Variants in MTCL1 observed in about 807,000 individuals in gnomAD.
The protein encoded by MTCL1 is microtubule cross-linking factor 1.
A neutral mutation model predicts 141.4 loss-of-function variants in MTCL1; 79 were observed. The ratio of observed to expected loss-of-function variants is 0.56; its 90% confidence interval spans 0.47 to 0.67. MTCL1 has a LOEUF of 0.67. MTCL1 is among the 30% of genes least tolerant of loss of function. The pLI, the probability that MTCL1 is intolerant of heterozygous loss-of-function variation, is 0.00. For synonymous variants in MTCL1, 914 were observed against 875.8 expected (o/e 1.04, Z -0.77); for missense variants, 2,177 against 2,113.9 (o/e 1.03, Z -0.59).
chr18:8,828,871 C>T lies in MTCL1; in HGVS notation c.4723-37C>T, dbSNP rs2077106845. 6.2e-7 allele frequency: 1 copy of T among 1,613,678 alleles called. No homozygotes were observed. Among genetic ancestry groups the T allele is most frequent in the East Asian group, 2.2e-5 (1 of 44,882 alleles). On this transcript the variant is annotated intron_variant, in intron 15 of 16. Coordinates refer to ENST00000359865, the Ensembl canonical transcript of MTCL1. The surrounding 1 kb of genome is among the most constrained non-coding windows in gnomAD (Gnocchi z 5.2). ...TGTTTAAAAAACACTTTCCAACCTT[C>T]TTGCTTTTCTTTTCTTTCTCTGTCT...
intron 7 of MTCL1, among the ~76,000 whole-genome samples, chr18:8,790,752 C>T (rs1191838998): frequency 1.3e-5 from 2 of 152,198 alleles, no homozygotes; most frequent in Non-Finnish European, 2.9e-5. Context: ...CGGTGGCTCA[C>T]GCCTGTAATC....
At chr18:8,742,437 A>C (rs1281029185) in intron 4 of MTCL1, among the ~76,000 whole-genome samples, 28 of 152,208 alleles carry the variant, frequency 1.8e-4, no homozygotes, top group Admixed American at 1.8e-3. Context: ...GGAAACTTAC[A>C]ATCATGGCAG....
At chr18:8,783,191 G>A (rs1005428380) in intron 5 of MTCL1, among the ~76,000 whole-genome samples, 7 of 152,150 alleles carry the variant, frequency 4.6e-5, no homozygotes, top group East Asian at 1.9e-4. Context: ...GCGCATTCCC[G>A]CTGGGTTTTG....
intron 8 of MTCL1, among the ~76,000 whole-genome samples, chr18:8,795,848 C>T (rs1377949751): frequency 1.3e-5 from 2 of 152,118 alleles, no homozygotes; most frequent in African/African-American, 4.8e-5. Flanking sequence ...CTGTAATGTG[C>T]GTTTGAGTGC....
At chr18:8,799,635 C>G (rs1294829901) in intron 10 of MTCL1, among the ~76,000 whole-genome samples, 1 of 152,210 alleles carries the variant, frequency 6.6e-6, no homozygotes, top group African/African-American at 2.4e-5. Flanking sequence ...CATTCAATCC[C>G]ATAAAGCATC....
chr18:8,720,222 CT>C (rs2096160280), intron 3 of MTCL1, 115 bp from the exon 3 acceptor site: 1 of 934,664 alleles, frequency 1.1e-6, no homozygotes, highest in South Asian at 1.7e-5. Context: ...TTGCCAGGGT[CT>C]TTGCTATGTG....
Position 8,830,491 on chromosome 18 carries a change from A to G in MTCL1, c.*19-1116A>G. ...GCCGTGTTCCATCTTCTCCCGAGTG[A>G]CACTGCCCATTCCGTGCAGCCGTCT... is the stretch of plus-strand genomic sequence containing the variant. On this transcript the variant is annotated intron_variant, in intron 16 of 16. Coordinates refer to ENST00000359865, the Ensembl canonical transcript of MTCL1. The surrounding 1 kb of genome is among the most constrained non-coding windows in gnomAD (Gnocchi z 6.4). The G allele has an allele frequency of 1.0e-6, 1 of 985,888 alleles. No homozygotes were observed. The highest frequency in any genetic ancestry group is 1.2e-6 in the Non-Finnish European group (1 of 830,316). 61.1% of individuals were successfully genotyped at this position (985,888 alleles called of 1,614,324 possible). A position where few individuals can be genotyped will look rare whatever the true frequency, so the allele number is the denominator to read the frequency against.
At chr18:8,793,685 A>G (rs1463689664) in intron 8 of MTCL1, among the ~76,000 whole-genome samples, 1 of 152,208 alleles carries the variant, frequency 6.6e-6, no homozygotes, top group Admixed American at 6.5e-5. Flanking sequence ...AGAACAGCCC[A>G]ATCCCGGCCA....
intron 4 of MTCL1, among the ~76,000 whole-genome samples, chr18:8,730,447 T>G (rs2148863070): frequency 6.6e-6 from 1 of 152,326 alleles, no homozygotes; most frequent in East Asian, 1.9e-4. Flanking sequence ...GAATTTCTGA[T>G]TCTTTATATC....
intron 4 of MTCL1, among the ~76,000 whole-genome samples, chr18:8,751,652 C>T (rs1433777721): frequency 6.6e-6 from 1 of 152,174 alleles, no homozygotes; most frequent in Non-Finnish European, 1.5e-5. Context: ...TGGTCTGAGT[C>T]ACCTGGTCCA....
intron 7 of MTCL1, 34 bp downstream of exon 6, chr18:8,786,125 C>A: frequency 7.3e-7 from 1 of 1,372,802 alleles, no homozygotes; most frequent in South Asian, 1.3e-5. Flanking sequence ...CCCCCCCGCC[C>A]TCCCCCTCCT....
chr18:8,748,590 A>G (rs2096353919), intron 4 of MTCL1, among the ~76,000 whole-genome samples: 1 of 152,158 alleles, frequency 6.6e-6, no homozygotes, highest in African/African-American at 2.4e-5. Context: ...GCACACACAC[A>G]CACATATACA....
intron 4 of MTCL1, among the ~76,000 whole-genome samples, chr18:8,723,808 C>T (rs1046964933): frequency 2.0e-5 from 3 of 152,148 alleles, no homozygotes; most frequent in Non-Finnish European, 2.9e-5. Flanking sequence ...GCTGTAGGTT[C>T]GGCTTTTGCA....
At chr18:8,824,891 G>A (rs745786218) in exon 15 of MTCL1, 1 of 1,613,932 alleles carries the variant, frequency 6.2e-7, no homozygotes, top group Non-Finnish European at 8.5e-7. Flanking sequence ...ACAATGGTGG[G>A]GGGCCGGACC....
intron 16 of MTCL1, chr18:8,829,105 C>G: frequency 6.6e-7 from 1 of 1,520,172 alleles, no homozygotes; most frequent in Non-Finnish European, 8.8e-7. Flanking sequence ...GGAGGTTCGC[C>G]TAAACCCAGG....
At chr18:8,813,354 CA>C in intron 12 of MTCL1, 121 bp downstream of exon 11, 1 of 1,191,120 alleles carries the variant, frequency 8.4e-7, no homozygotes, top group Non-Finnish European at 1.2e-6. Flanking sequence ...CATGGGCTTC[CA>C]AAGGAAGAGA....
intron 4 of MTCL1, among the ~76,000 whole-genome samples, chr18:8,762,411 C>T (rs937266650): frequency 1.7e-4 from 26 of 152,230 alleles, no homozygotes; most frequent in African/African-American, 5.8e-4. Flanking sequence ...GTAGCTGCCG[C>T]GACTGCTCTC....
chr18:8,832,657 A>G (rs1166791022), exon 17 of MTCL1: 1 of 152,246 alleles, frequency 6.6e-6, no homozygotes, highest in Non-Finnish European at 1.5e-5. Context: ...AGTTTACTCA[A>G]AGTTTTCTTA....
chr18:8,716,863 A>G (rs181989198), upstream of MTCL1, among the ~76,000 whole-genome samples: 128 of 152,242 alleles, frequency 8.4e-4, no homozygotes, highest in Non-Finnish European at 1.1e-3. Context: ...AAATCCCTAG[A>G]ATGTTTCCTT....
Sources: allele counts gnomAD v4.1 joint callset (sites outside exome capture counted in the v4.1 genomes callset), GRCh38; gene constraint gnomAD v4.1.1; non-coding constraint Gnocchi (gnomAD v3.1); transcripts MANE v1.5; gene names NCBI Gene and HGNC (gene_info 2026-07-23, HGNC 2026-07-21).